Variants in ZFYVE26 observed in about 807,000 individuals in gnomAD.
ZFYVE26 encodes the protein zinc finger FYVE-type containing 26.
ZFYVE26 carries 181 observed loss-of-function variants against 276.5 expected under a neutral mutation model. The observed-to-expected ratio is 0.65, with a 90% CI of 0.58 to 0.74. The LOEUF is 0.74. Ranked by LOEUF, ZFYVE26 falls within the 30% of genes least tolerant of loss-of-function variation. The probability of loss-of-function intolerance (pLI) is 0.00; values close to 1 mark genes in which losing one functional copy is unlikely to be tolerated. For synonymous variants in ZFYVE26, 1,129 were observed against 1,203.1 expected (o/e 0.94, Z 1.27); for missense variants, 2,821 against 3,097.9 (o/e 0.91, Z 2.12).
chr14:67,741,093 A>G (rs930645510), intron 13 of ZFYVE26, among the ~76,000 whole-genome samples: 1 of 152,170 alleles, frequency 6.6e-6, no homozygotes, highest in Non-Finnish European at 1.5e-5. Context: ...TTGACAAGTT[A>G]ATGAATTTGT....
rs1018853822 is a variant in ZFYVE26, at chr14:67,777,705, A to T, written c.4828T>A (p.Cys1610Ser). The change falls in exon 25 of 42, where the codon TGC becomes AGC. Residue 1610 changes from cysteine (C) to serine (S), a missense_variant. Coordinates refer to ENST00000347230, the MANE Select transcript of ZFYVE26 (RefSeq NM_015346.4). ...LLRRIPDPTM[C>S]LEVTEQSLDQ... ...AGGGATTGCTCTGTCACTTCAAGGC[A>T]CATGGTGGGGTCAGGGATTCTTCGC... 3.7e-6 allele frequency: 6 copies of T among 1,614,200 alleles called. No homozygotes were observed. In the East Asian group the frequency reaches 1.3e-4, roughly 36 times the overall value.
At chr14:67,729,257 C>G (rs1312984046) in exon 14 of ZFYVE26, 9 of 1,608,970 alleles carry the variant, frequency 5.6e-6, no homozygotes, top group Non-Finnish European at 6.8e-6. Flanking sequence ...CGGCACTCCT[C>G]CCTGCTCTGC....
intron 28 of ZFYVE26, among the ~76,000 whole-genome samples, chr14:67,771,795 CCT>C (rs781354956): frequency 2.6e-5 from 4 of 152,144 alleles, no homozygotes; most frequent in Non-Finnish European, 5.9e-5. Context: ...ACTCCTCCTG[CCT>C]CTTTTTTATT....
intron 11 of ZFYVE26, 80 bp downstream of exon 11, chr14:67,797,924 GACTCCTATGT>G (rs947593547): frequency 6.2e-7 from 1 of 1,602,802 alleles, no homozygotes; most frequent in Non-Finnish European, 8.5e-7. Flanking sequence ...GTTATGGGGT[GACTCCTATGT>G]ACTCCTAGCT....
chr14:67,805,950 C>A (rs1332761793), intron 6 of ZFYVE26, among the ~76,000 whole-genome samples: 3 of 152,180 alleles, frequency 2.0e-5, no homozygotes, highest in African/African-American at 4.8e-5. Flanking sequence ...TCGCTTGAAC[C>A]CAGGAGGCAG....
chr14:67,777,944 C>T (rs746835457), intron 24 of ZFYVE26, among the ~76,000 whole-genome samples, 182 bp downstream of exon 24: 1 of 152,028 alleles, frequency 6.6e-6, no homozygotes, highest in Non-Finnish European at 1.5e-5. Flanking sequence ...ACCCAGCCGC[C>T]CCATCTGGCA....
At chr14:67,758,747 T>C (rs943837762) in intron 35 of ZFYVE26, among the ~76,000 whole-genome samples, 4 of 152,156 alleles carry the variant, frequency 2.6e-5, no homozygotes, top group Non-Finnish European at 5.9e-5. Context: ...GCAATTCTCC[T>C]GCCTCAGCCT....
chr14:67,787,115 G>A (rs968320301), intron 16 of ZFYVE26, among the ~76,000 whole-genome samples: 1 of 152,188 alleles, frequency 6.6e-6, no homozygotes, highest in Non-Finnish European at 1.5e-5. Context: ...GGGTGTGGTG[G>A]CTCACACCTG....
At chr14:67,771,772 C>A (rs182679713) in intron 28 of ZFYVE26, among the ~76,000 whole-genome samples, 1 of 152,274 alleles carries the variant, frequency 6.6e-6, no homozygotes, top group African/African-American at 2.4e-5. Flanking sequence ...ACAAGATCCA[C>A]TGACACCTGT....
intron 31 of ZFYVE26, 123 bp from the exon 32 acceptor site, chr14:67,766,570 G>A (rs1308134693): frequency 1.1e-6 from 1 of 875,662 alleles, no homozygotes; most frequent in Non-Finnish European, 1.8e-6. Context: ...CTGGAAGAAG[G>A]AACCAGATTC....
chr14:67,773,395 A>G (rs972853570), intron 27 of ZFYVE26, among the ~76,000 whole-genome samples: 3 of 151,974 alleles, frequency 2.0e-5, no homozygotes, highest in East Asian at 1.9e-4. Flanking sequence ...TACAAAAAAT[A>G]AAATAATTAA....
rs770859375 is a variant in ZFYVE26, at chr14:67,786,198, C to T, written c.3055G>A (p.Gly1019Ser). 8.9e-6 allele frequency: 14 copies of T among 1,575,462 alleles called. 1 individual carries two copies. In the South Asian group the frequency reaches 1.5e-4, roughly 17 times the overall value. ...AGAACAACTGGAAAACCTCGAATGC[C>T]ATCAGCATTTAGGAGTACGTGGTCT... is the stretch of plus-strand genomic sequence containing the variant. ...RIDHVLLNADGIRGFPVVLQQ... is the reference protein window; with the variant it reads ...RIDHVLLNADSIRGFPVVLQQ... Residue 1019 changes from glycine to serine, a missense_variant, in exon 17 of 42, where the codon GGC (glycine) becomes AGC (serine). Transcript: ENST00000347230.
At position 67,766,347 on chromosome 14, in the gene ZFYVE26, C is replaced by T. The variant is rs2039058893; in HGVS notation, c.5891G>A (p.Gly1964Asp). The T allele has an allele frequency of 6.2e-7, 1 of 1,613,342 alleles. No individual in the cohort carries two copies. The highest frequency in any genetic ancestry group is 1.3e-5 in the African/African-American group (1 of 75,028). ...LIEHCCRLSK[G>D]LTNPEVDAGL... ...GGCATCCACCTCTGGGTTGGTGAGG[C>T]CCTTGGAGAGCCTGCAGCAGTGCTC... The change falls in exon 32 of 42, where the codon GGC (glycine) becomes GAC (aspartate). Residue 1964 changes from glycine (G) to aspartate (D), a missense_variant. Gly to Asp is a moderately conservative substitution (Grantham distance 94). Transcript: ENST00000347230.
At chr14:67,745,473 TG>T (rs2038471161), downstream of ZFYVE26, among the ~76,000 whole-genome samples, 1 of 151,998 alleles carries the variant, frequency 6.6e-6, no homozygotes, top group Non-Finnish European at 1.5e-5. Context: ...AAGTATAGTT[TG>T]TTTTTTTTTT....
At chr14:67,789,731 T>A in intron 15 of ZFYVE26, 133 bp from the exon 16 acceptor site, 1 of 1,155,608 alleles carries the variant, frequency 8.7e-7, no homozygotes, top group Non-Finnish European at 1.3e-6. Flanking sequence ...ATATTAGCAC[T>A]ATCATTATGG....
At chr14:67,742,838 C>CTTTTTTTTTT (rs71446342), downstream of ZFYVE26, among the ~76,000 whole-genome samples, 182 of 89,752 alleles carry the variant, frequency 2.0e-3, 6 homozygotes, top group African/African-American at 4.3e-3. Flanking sequence ...TCTTCTTCTT[C>CTTTTTTTTTT]TTTTTTTTTT....
rs2140251809 is a variant in ZFYVE26, at chr14:67,807,390, G to T, written c.886+8C>A. ...GAAACTAAAGGAGCAGCAGCAAAGG[G>T]AACACACCTTTTCCCGAGGCTGTAG... is the stretch of plus-strand genomic sequence containing the variant. On this transcript the variant is annotated splice_region_variant and intron_variant, in intron 5 of 41. Coordinates refer to ENST00000347230, the MANE Select transcript of ZFYVE26 (RefSeq NM_015346.4). The T allele has an allele frequency of 1.2e-6, 2 of 1,613,926 alleles. No homozygotes were observed. Among genetic ancestry groups the T allele is most frequent in the Non-Finnish European group, 8.5e-7 (1 of 1,179,950 alleles).
At chr14:67,785,562 A>G (rs576108277) in intron 18 of ZFYVE26, among the ~76,000 whole-genome samples, 1 of 152,300 alleles carries the variant, frequency 6.6e-6, no homozygotes, top group African/African-American at 2.4e-5. Flanking sequence ...TATGAAGAAC[A>G]CAGCAATCTT....
Position 67,816,045 on chromosome 14 carries a change from T to G in ZFYVE26, c.-82A>C. The G allele has an allele frequency of 8.4e-7, 1 of 1,186,472 alleles. No individual in the cohort carries two copies. The highest frequency in any genetic ancestry group is 1.2e-6 in the Non-Finnish European group (1 of 845,062). 73.5% of individuals were successfully genotyped at this position (1,186,472 alleles called of 1,614,324 possible). A position where few individuals can be genotyped will look rare whatever the true frequency, so the allele number is the denominator to read the frequency against. On this transcript the variant is annotated splice_region_variant and 5_prime_UTR_variant, in exon 2 of 42. Coordinates refer to ENST00000347230, the MANE Select transcript of ZFYVE26 (RefSeq NM_015346.4). ...TCAATGTTCTCATTCGCGGAGTACC[T>G]CCTAGAAACAACACAACGCCAGTGA...
Sources: allele counts gnomAD v4.1 joint callset (sites outside exome capture counted in the v4.1 genomes callset), GRCh38; gene constraint gnomAD v4.1.1; transcripts MANE v1.5; gene names NCBI Gene and HGNC (gene_info 2026-07-23, HGNC 2026-07-21).